Variants in GRIK3 observed in about 807,000 individuals in gnomAD.
GRIK3 encodes glutamate receptor ionotropic, kainate 3.
Under a neutral mutation model 102.5 loss-of-function variants are expected in GRIK3, and 29 were observed. The observed-to-expected ratio is 0.28, with a 90% CI of 0.21 to 0.39. The LOEUF is 0.39. Among genes scored for constraint, GRIK3 ranks in the 10% least tolerant of loss-of-function variants. GRIK3 has a pLI of 1.00. For missense variants in GRIK3, 908 were observed against 1,252.4 expected (o/e 0.73, Z 4.15); for synonymous variants, 511 against 504.9 (o/e 1.01, Z -0.16).
chr1:37,001,628 T>C (rs1642477736), intron 1 of GRIK3, among the ~76,000 whole-genome samples: 1 of 151,812 alleles, frequency 6.6e-6, no homozygotes, highest in African/African-American at 2.4e-5. Flanking sequence ...AAAACGTGGA[T>C]CCTCCTCCTT....
intron 1 of GRIK3, among the ~76,000 whole-genome samples, chr1:36,941,776 G>A (rs1641722603): frequency 6.6e-6 from 1 of 152,190 alleles, no homozygotes; most frequent in South Asian, 2.1e-4. Flanking sequence ...TGGAGAAACT[G>A]AGATGCATCC....
At chr1:36,838,367 TAGA>T (rs968002719) in intron 10 of GRIK3, among the ~76,000 whole-genome samples, 1 of 151,994 alleles carries the variant, frequency 6.6e-6, no homozygotes, top group African/African-American at 2.4e-5. Context: ...CGGATGTGAG[TAGA>T]AGATTTTTGA....
rs200017107 is a variant in GRIK3, at chr1:37,034,016, C to T, written c.93G>A (p.Gly31=). The T allele has an allele frequency of 9.4e-4, 1,506 of 1,600,084 alleles. 4 individuals carry two copies. The highest frequency in any genetic ancestry group is 1.1e-3 in the Non-Finnish European group (1,306 of 1,173,594). The change falls in exon 1 of 16, where the codon GGG becomes GGA. Residue 31 remains glycine, a synonymous_variant. Transcript: ENST00000373091. The part of the protein sequence containing the change: ...VCAFWIPDSR[G]MPHVIRIGGI... ...TACCGATCCGGATGACGTGGGGCAT[C>T]CCGCGCGAGTCCGGGATCCAGAAGG...
At chr1:36,846,463 C>A (rs1221628893) in intron 9 of GRIK3, among the ~76,000 whole-genome samples, 1 of 152,210 alleles carries the variant, frequency 6.6e-6, no homozygotes, top group Non-Finnish European at 1.5e-5. Flanking sequence ...GAGAAACTCC[C>A]CCTTATCAGG....
intron 1 of GRIK3, among the ~76,000 whole-genome samples, chr1:37,029,110 C>G (rs1403545170): frequency 6.6e-6 from 1 of 151,174 alleles, no homozygotes; most frequent in East Asian, 1.9e-4. Context: ...CCCTCTGGTG[C>G]TGCTGCTGAA....
At chr1:36,982,738 G>A (rs912488775) in intron 1 of GRIK3, among the ~76,000 whole-genome samples, 1 of 148,096 alleles carries the variant, frequency 6.8e-6, no homozygotes, top group African/African-American at 2.5e-5. Flanking sequence ...AGCGACCGGG[G>A]TCTTTAAGCA....
intron 1 of GRIK3, among the ~76,000 whole-genome samples, chr1:36,924,506 G>T (rs1425668890): frequency 5.3e-5 from 8 of 152,178 alleles, no homozygotes; most frequent in Admixed American, 5.2e-4. Flanking sequence ...GGGGGAGTGG[G>T]TTGGGTGCTG....
chr1:36,825,587 C>T lies in GRIK3; in HGVS notation c.1754+16G>A, dbSNP rs778513429. On this transcript the variant is annotated intron_variant, in intron 11 of 15. Transcript: ENST00000373091. ...TTCAACCTTGGGCCCGATGTCTGGC[C>T]AAGGAATTGCCTTACCTGGCGATGA... The T allele has an allele frequency of 3.6e-5, 56 of 1,538,596 alleles. No homozygotes were observed. Among genetic ancestry groups the T allele is most frequent in the Non-Finnish European group, 4.9e-5 (56 of 1,138,926 alleles).
At chr1:36,907,415 G>C (rs977256428) in intron 1 of GRIK3, among the ~76,000 whole-genome samples, 1 of 152,160 alleles carries the variant, frequency 6.6e-6, no homozygotes, top group African/African-American at 2.4e-5. Context: ...TTCATACAGT[G>C]ATGTCCGATG....
intron 1 of GRIK3, among the ~76,000 whole-genome samples, chr1:37,030,528 TTTCCCCACCCCCCACCCCC>T (rs1642812482): frequency 8.4e-6 from 1 of 119,264 alleles, no homozygotes; most frequent in South Asian, 3.1e-4. Flanking sequence ...AACCCTTCCT[TTTCCCCACCCCCCACCCCC>T]TCCCCCCCCC....
At chr1:36,904,807 C>T (rs1275600244) in intron 1 of GRIK3, among the ~76,000 whole-genome samples, 2 of 152,036 alleles carry the variant, frequency 1.3e-5, no homozygotes, top group East Asian at 3.9e-4. Context: ...TTTGCTGGGG[C>T]CAGATGAAGG....
intron 1 of GRIK3, among the ~76,000 whole-genome samples, chr1:36,906,897 A>T (rs113763779): frequency 1.3e-5 from 2 of 152,230 alleles, no homozygotes; most frequent in African/African-American, 4.8e-5. Context: ...AAATAGCTAG[A>T]GGAGAATAAT....
At chr1:36,856,803 G>A (rs1014906642) in intron 7 of GRIK3, among the ~76,000 whole-genome samples, 2 of 152,146 alleles carry the variant, frequency 1.3e-5, no homozygotes, top group Non-Finnish European at 1.5e-5. Context: ...AGGGACTCAC[G>A]GCTGAGCCTC....
chr1:36,830,082 G>A (rs969305618), intron 10 of GRIK3, among the ~76,000 whole-genome samples: 25 of 152,140 alleles, frequency 1.6e-4, no homozygotes, highest in Non-Finnish European at 2.9e-4. Flanking sequence ...CCTCATCTCC[G>A]TTCTCCACCT....
chr1:36,893,047 A>C (rs1641134599), intron 1 of GRIK3, among the ~76,000 whole-genome samples: 1 of 152,218 alleles, frequency 6.6e-6, no homozygotes, highest in South Asian at 2.1e-4. Flanking sequence ...GATTAATGGC[A>C]AATGGGTAAG....
chr1:36,993,248 C>G (rs979093621), intron 1 of GRIK3, among the ~76,000 whole-genome samples: 3 of 152,076 alleles, frequency 2.0e-5, no homozygotes, highest in East Asian at 3.9e-4. Context: ...ACCACTTTGC[C>G]TCTTGTTGGA....
chr1:36,829,155 C>T (rs961374329), intron 10 of GRIK3, among the ~76,000 whole-genome samples: 6 of 152,184 alleles, frequency 3.9e-5, no homozygotes, highest in East Asian at 3.8e-4. Context: ...TACATTTCAC[C>T]GTTAGTTACG....
chr1:36,833,168 C>T (rs964440468), intron 10 of GRIK3, among the ~76,000 whole-genome samples: 1 of 152,150 alleles, frequency 6.6e-6, no homozygotes, highest in East Asian at 1.9e-4. Flanking sequence ...CCCCAAGAGT[C>T]CTGCTTACCC....
chr1:36,880,493 A>G lies in GRIK3; in HGVS notation c.550+141T>C. 1.2e-6 allele frequency: 1 copy of G among 839,556 alleles called. No individual in the cohort carries two copies. The highest frequency in any genetic ancestry group is 2.0e-6 in the Non-Finnish European group (1 of 510,866). The allele number at this position is 839,556 out of a possible 1,614,324, so 52.0% of individuals were successfully genotyped here. A position where few individuals can be genotyped will look rare whatever the true frequency, so the allele number is the denominator to read the frequency against. On this transcript the variant is annotated intron_variant, in intron 3 of 15. Transcript: ENST00000373091. The surrounding 1 kb of genome is among the most constrained non-coding windows in gnomAD (Gnocchi z 5.4). ...GTGAGTGGGTGCAGGGGTGAACATC[A>G]GCATAACCGAGTGGAACTGGGGTAT...
Sources: gnomAD v4.1 joint callset for allele counts (sites outside exome capture counted in the v4.1 genomes callset) on GRCh38, gnomAD v4.1.1 for gene constraint, Gnocchi (gnomAD v3.1) non-coding constraint, MANE v1.5 for transcripts, NCBI Gene and HGNC (gene_info 2026-07-23, HGNC 2026-07-21) for gene names.